The following CEP85L variants were observed in gnomAD, a reference collection of about 807,000 sequenced individuals.
CEP85L encodes centrosomal protein of 85 kDa-like.
In CEP85L, 60 loss-of-function variants were observed where a neutral mutation model predicts 100.3. The ratio of observed to expected loss-of-function variants is 0.60; its 90% confidence interval spans 0.49 to 0.74. The LOEUF (loss-of-function observed/expected upper bound fraction) is 0.74. Among genes scored for constraint, CEP85L ranks in the 30% least tolerant of loss-of-function variants. The probability of loss-of-function intolerance (pLI) is 0.00; values close to 1 mark genes in which losing one functional copy is unlikely to be tolerated. For missense variants in CEP85L, 973 were observed against 936.2 expected, an observed-to-expected ratio of 1.04 and a Z score of -0.51; for synonymous variants, 319 against 322.7, an observed-to-expected ratio of 0.99 and a Z score of 0.12.
chr6:118,578,277 C>G (rs562401714), intron 2 of CEP85L, among the ~76,000 whole-genome samples: 1 of 152,318 alleles, frequency 6.6e-6, no homozygotes, highest in Admixed American at 6.5e-5. Flanking sequence ...ACTCTTCCCA[C>G]CTTAGCAACA....
intron 3 of CEP85L, among the ~76,000 whole-genome samples, chr6:118,537,006 A>G (rs943463714): frequency 2.0e-5 from 3 of 152,184 alleles, no homozygotes; most frequent in African/African-American, 7.2e-5. Flanking sequence ...AGTAAAATAT[A>G]CATCTTGACA....
At chr6:118,598,878 A>G (rs1781584774) in intron 2 of CEP85L, among the ~76,000 whole-genome samples, 3 of 152,178 alleles carry the variant, frequency 2.0e-5, no homozygotes, top group South Asian at 4.1e-4. Flanking sequence ...AATGGATGGT[A>G]GATGGTGGGA....
chr6:118,491,239 A>G (rs1019816017), intron 6 of CEP85L, among the ~76,000 whole-genome samples: 1 of 122,702 alleles, frequency 8.1e-6, no homozygotes, highest in Admixed American at 7.4e-5. Flanking sequence ...ACACACACAC[A>G]TATGCATGCA....
chr6:118,707,201 T>TC (rs1311718135), intron 1 of CEP85L, among the ~76,000 whole-genome samples: 2 of 150,588 alleles, frequency 1.3e-5, no homozygotes, highest in African/African-American at 4.9e-5. Context: ...TTTTTTTTTT[T>TC]TTTTCTTTTT....
chr6:118,473,312 AG>A (rs142870418), intron 10 of CEP85L, among the ~76,000 whole-genome samples: 1,823 of 152,300 alleles, frequency 0.012, 29 homozygotes, highest in African/African-American at 0.042. Context: ...AACAGAGCAC[AG>A]TAAGGGTCAG....
At chr6:118,573,807 C>G (rs1327573817) in intron 2 of CEP85L, among the ~76,000 whole-genome samples, 1 of 151,936 alleles carries the variant, frequency 6.6e-6, no homozygotes, top group Admixed American at 6.6e-5. Flanking sequence ...AAAGTTAGAC[C>G]CCTATTTCAT....
At chr6:118,678,040 T>C (rs1424064671) in intron 1 of CEP85L, among the ~76,000 whole-genome samples, 2 of 152,224 alleles carry the variant, frequency 1.3e-5, no homozygotes, top group Non-Finnish European at 2.9e-5. Context: ...AAATCCAGGT[T>C]ACTCAGAATG....
chr6:118,508,376 G>A (rs1296844837), intron 5 of CEP85L, among the ~76,000 whole-genome samples: 2 of 152,040 alleles, frequency 1.3e-5, no homozygotes, highest in Non-Finnish European at 2.9e-5. Context: ...AGAAAGAAGA[G>A]ACCTCTTTCT....
chr6:118,578,025 A>G (rs1367541005), intron 2 of CEP85L, among the ~76,000 whole-genome samples: 2 of 152,198 alleles, frequency 1.3e-5, no homozygotes, highest in Non-Finnish European at 2.9e-5. Context: ...CAACAAATCT[A>G]AAATATGTTA....
intron 3 of CEP85L, among the ~76,000 whole-genome samples, chr6:118,529,103 A>G (rs17080292): frequency 0.17 from 25,125 of 152,234 alleles, 2,217 homozygotes; most frequent in Non-Finnish European, 0.19. Flanking sequence ...ACAAAGGTGG[A>G]ATAGTGATAA....
intron 3 of CEP85L, among the ~76,000 whole-genome samples, chr6:118,532,156 T>C (rs1326588302): frequency 2.0e-5 from 3 of 152,116 alleles, no homozygotes; most frequent in South Asian, 2.1e-4. Context: ...ATATACATAG[T>C]GTATATACTA....
intron 2 of CEP85L, among the ~76,000 whole-genome samples, chr6:118,570,952 A>G (rs1362660374): frequency 6.6e-6 from 1 of 152,096 alleles, no homozygotes; most frequent in Admixed American, 6.5e-5. Context: ...TGAATAAATG[A>G]AAAAAGAATT....
At chr6:118,534,310 ATG>A (rs1374175260) in intron 3 of CEP85L, among the ~76,000 whole-genome samples, 1 of 152,146 alleles carries the variant, frequency 6.6e-6, no homozygotes, top group African/African-American at 2.4e-5. Flanking sequence ...AGAAATAAAA[ATG>A]TAATAAATTA....
At chr6:118,660,297 C>G (rs1166406935) in intron 1 of CEP85L, among the ~76,000 whole-genome samples, 1 of 152,228 alleles carries the variant, frequency 6.6e-6, no homozygotes, top group Non-Finnish European at 1.5e-5. Flanking sequence ...GGCTGCCAGC[C>G]TCCCTGGAGA....
chr6:118,539,457 T>C (rs910895059), intron 3 of CEP85L, among the ~76,000 whole-genome samples: 26 of 152,168 alleles, frequency 1.7e-4, no homozygotes, highest in African/African-American at 6.0e-4. Context: ...AATAAAGAAA[T>C]TGCCTCATTT....
intron 1 of CEP85L, among the ~76,000 whole-genome samples, chr6:118,707,579 C>A (rs1252986663): frequency 6.6e-6 from 1 of 152,174 alleles, no homozygotes; most frequent in African/African-American, 2.4e-5. Context: ...TATTAAACTT[C>A]ATTTTCTGTT....
At chr6:118,500,569 G>C (rs1361883130) in intron 5 of CEP85L, among the ~76,000 whole-genome samples, 2 of 137,612 alleles carry the variant, frequency 1.5e-5, no homozygotes, top group Non-Finnish European at 3.2e-5. Flanking sequence ...AATACATTCA[G>C]AGGGCTGAAA....
At chr6:118,655,257 G>A (rs1217207677), upstream of CEP85L, among the ~76,000 whole-genome samples, 1 of 152,184 alleles carries the variant, frequency 6.6e-6, no homozygotes, top group East Asian at 1.9e-4. Context: ...CTGTACCTTT[G>A]ACTCCAGAGT....
chr6:118,657,459 A>G (rs1298617826), upstream of CEP85L, among the ~76,000 whole-genome samples: 1 of 152,152 alleles, frequency 6.6e-6, no homozygotes, highest in Non-Finnish European at 1.5e-5. Context: ...CTCTACTAAA[A>G]AAATACAAAA....
Sources: gnomAD v4.1 joint callset for allele counts (sites outside exome capture counted in the v4.1 genomes callset) on GRCh38, gnomAD v4.1.1 for gene constraint, MANE v1.5 for transcripts, NCBI Gene and HGNC (gene_info 2026-07-23, HGNC 2026-07-21) for gene names.